Variants in RYR2 observed in about 807,000 individuals in gnomAD.
RYR2 encodes the protein cardiac muscle ryanodine receptor-calcium release channel.
A neutral mutation model predicts 601.1 loss-of-function variants in RYR2; 227 were observed. That is an observed-to-expected ratio of 0.38 (90% CI 0.34 to 0.42). RYR2 has a LOEUF of 0.42. Among genes scored for constraint, RYR2 ranks in the 10% least tolerant of loss-of-function variants. The probability of loss-of-function intolerance (pLI) is 1.00; values close to 1 mark genes in which losing one functional copy is unlikely to be tolerated. For synonymous variants in RYR2, 2,223 were observed against 2,175.1 expected (o/e 1.02, Z -0.61); for missense variants, 4,646 against 6,156.5 (o/e 0.75, Z 8.21).
At chr1:237,567,966 G>A (rs906597963) in intron 28 of RYR2, among the ~76,000 whole-genome samples, 6 of 151,144 alleles carry the variant, frequency 4.0e-5, no homozygotes, top group Non-Finnish European at 8.8e-5. Flanking sequence ...CACTTTTTTG[G>A]GGGGTTGGGG....
intron 1 of RYR2, among the ~76,000 whole-genome samples, chr1:237,244,453 G>C (rs1686566044): frequency 6.6e-6 from 1 of 152,106 alleles, no homozygotes; most frequent in South Asian, 2.1e-4. Flanking sequence ...TGTAGAGTAA[G>C]GAGCAGAGAA....
At chr1:237,417,474 G>A (rs1705131748) in intron 11 of RYR2, among the ~76,000 whole-genome samples, 1 of 152,200 alleles carries the variant, frequency 6.6e-6, no homozygotes, top group Non-Finnish European at 1.5e-5. Flanking sequence ...GACACGACAA[G>A]TTCTTTGCAA....
chr1:237,242,966 G>A (rs1686369492), intron 1 of RYR2, among the ~76,000 whole-genome samples: 1 of 152,188 alleles, frequency 6.6e-6, no homozygotes, highest in South Asian at 2.1e-4. Flanking sequence ...CTTTTTCCAG[G>A]GTTGCAAACT....
chr1:237,205,646 C>A (rs1020882285), intron 1 of RYR2, among the ~76,000 whole-genome samples: 1 of 152,120 alleles, frequency 6.6e-6, no homozygotes, highest in Non-Finnish European at 1.5e-5. Context: ...CCTGGATTGC[C>A]CCAGAAGAAA....
chr1:237,243,766 G>A (rs569970121), intron 1 of RYR2, among the ~76,000 whole-genome samples: 33 of 152,220 alleles, frequency 2.2e-4, no homozygotes, highest in Admixed American at 4.6e-4. Context: ...CTCCTGGGGC[G>A]GAACACACCC....
intron 27 of RYR2, among the ~76,000 whole-genome samples, chr1:237,553,328 A>T (rs1045093379): frequency 6.6e-5 from 10 of 152,028 alleles, no homozygotes; most frequent in Non-Finnish European, 1.3e-4. Context: ...TGGAACAATT[A>T]TCCTTACCAA....
chr1:237,098,872 A>C (rs1385009587), intron 1 of RYR2, among the ~76,000 whole-genome samples: 1 of 152,224 alleles, frequency 6.6e-6, no homozygotes, highest in African/African-American at 2.4e-5. Context: ...AGAGAAGTCC[A>C]TGTGATTTAG....
chr1:237,189,144 A>G (rs1679687862), intron 1 of RYR2, among the ~76,000 whole-genome samples: 1 of 152,140 alleles, frequency 6.6e-6, no homozygotes, highest in Non-Finnish European at 1.5e-5. Flanking sequence ...ATAATACAGC[A>G]TTTGCCCTCT....
At chr1:237,629,128 GT>G (rs1679992152) in intron 41 of RYR2, among the ~76,000 whole-genome samples, 1 of 151,966 alleles carries the variant, frequency 6.6e-6, no homozygotes, top group Non-Finnish European at 1.5e-5. Flanking sequence ...GATGCAACAC[GT>G]TTTTTTGAGT....
At chr1:237,402,037 A>G (rs1017417951) in intron 10 of RYR2, among the ~76,000 whole-genome samples, 1 of 152,238 alleles carries the variant, frequency 6.6e-6, no homozygotes. Context: ...GATCAAGAGC[A>G]TATACATAGT....
intron 84 of RYR2, among the ~76,000 whole-genome samples, chr1:237,764,696 C>T (rs574043364): frequency 6.6e-6 from 1 of 152,192 alleles, no homozygotes; most frequent in South Asian, 2.1e-4. Context: ...ACCCACCCAC[C>T]TCGGCCTCCC....
chr1:237,791,523 C>T lies in RYR2; in HGVS notation c.13563+8C>T. 3 of 1,374,004 alleles carry T rather than the reference C, an allele frequency of 2.2e-6. No homozygotes were observed. Among genetic ancestry groups the T allele is most frequent in the Non-Finnish European group, 3.1e-6 (3 of 980,912 alleles). The allele number at this position is 1,374,004 out of a possible 1,614,324, so 85.1% of individuals were successfully genotyped here. A position where few individuals can be genotyped will look rare whatever the true frequency, so the allele number is the denominator to read the frequency against. ...ATCTTGCTCTTTTATAAGGTACGTA[C>T]ATCTCACTGTTTTAATTACTGGTAT... On this transcript the variant is annotated splice_region_variant and intron_variant, in intron 93 of 104. Coordinates refer to ENST00000366574, the MANE Select transcript of RYR2 (RefSeq NM_001035.3).
At chr1:237,132,183 G>C (rs555742111) in intron 1 of RYR2, among the ~76,000 whole-genome samples, 2 of 152,326 alleles carry the variant, frequency 1.3e-5, no homozygotes, top group East Asian at 3.9e-4. Context: ...CGTTCTGAAG[G>C]AAACTATTCA....
At chr1:237,591,924 T>A (rs1279897147) in intron 32 of RYR2, 71 bp downstream of exon 32, 3 of 981,406 alleles carry the variant, frequency 3.1e-6, no homozygotes, top group Non-Finnish European at 4.7e-6. Flanking sequence ...CAGTAATACA[T>A]ACCGATTCAT....
Position 237,623,831 on chromosome 1 carries a change from C to G in RYR2, c.5983C>G (p.Gln1995Glu), listed in dbSNP as rs1285968852. The change falls in exon 39 of 105, where the codon CAA (glutamine) becomes GAA (glutamate). Residue 1995 changes from glutamine to glutamate, a missense_variant. Coordinates refer to ENST00000366574, the MANE Select transcript of RYR2 (RefSeq NM_001035.3). ...ECPCPEEIRD[Q>E]LLDFHEDLMT... is the part of the protein sequence containing the mutation. ...TCCATGTCCAGAAGAAATTCGTGAC[C>G]AACTATTGGATTTCCATGAAGATTT... 6.2e-7 allele frequency: 1 copy of G among 1,612,786 alleles called. No homozygotes were observed. The highest frequency in any genetic ancestry group is 1.7e-5 in the Admixed American group (1 of 59,994).
chr1:237,731,630 A>C (rs184931535), intron 77 of RYR2, among the ~76,000 whole-genome samples: 1 of 152,178 alleles, frequency 6.6e-6, no homozygotes, highest in African/African-American at 2.4e-5. Context: ...AAATGCTTAT[A>C]AGAATGGCAT....
chr1:237,513,633 A>G (rs1281315982), intron 24 of RYR2, among the ~76,000 whole-genome samples: 3 of 152,224 alleles, frequency 2.0e-5, no homozygotes, highest in African/African-American at 7.2e-5. Flanking sequence ...AGTGCAACGC[A>G]CTACCTTTTC....
intron 2 of RYR2, among the ~76,000 whole-genome samples, chr1:237,296,099 T>G (rs1275903134): frequency 6.6e-6 from 1 of 152,148 alleles, no homozygotes; most frequent in African/African-American, 2.4e-5. Flanking sequence ...AAGCATTGAA[T>G]CTATGTAGAA....
chr1:237,692,261 G>A (rs1687008193), intron 63 of RYR2, among the ~76,000 whole-genome samples: 1 of 152,186 alleles, frequency 6.6e-6, no homozygotes, highest in Non-Finnish European at 1.5e-5. Context: ...TGTGAGGATA[G>A]GAAAATGAAG....
Sources: gnomAD v4.1 joint callset for allele counts (sites outside exome capture counted in the v4.1 genomes callset) on GRCh38, gnomAD v4.1.1 for gene constraint, MANE v1.5 for transcripts, NCBI Gene and HGNC (gene_info 2026-07-23, HGNC 2026-07-21) for gene names.